The following ERBB4 variants were observed in gnomAD, a reference collection of about 807,000 sequenced individuals.
ERBB4 encodes erb-b2 receptor tyrosine kinase 4.
In ERBB4, 42 loss-of-function variants were observed where a neutral mutation model predicts 158.0. The ratio of observed to expected loss-of-function variants is 0.27; its 90% CI spans 0.21 to 0.34. ERBB4 has a LOEUF of 0.34. ERBB4 is among the 10% of genes least tolerant of loss of function. ERBB4 has a pLI of 1.00. For missense variants in ERBB4, 1,333 were observed against 1,624.1 expected (o/e 0.82, Z 3.08); for synonymous variants, 583 against 558.7 (o/e 1.04, Z -0.61).
At chr2:211,862,896 C>G (rs1038091557) in intron 3 of ERBB4, among the ~76,000 whole-genome samples, 2 of 152,146 alleles carry the variant, frequency 1.3e-5, no homozygotes, top group Admixed American at 6.5e-5. Flanking sequence ...GTAAATGCAC[C>G]AATCAGCGCT....
chr2:212,411,822 G>GCTATA (rs1191954592), intron 1 of ERBB4, among the ~76,000 whole-genome samples: 8 of 152,118 alleles, frequency 5.3e-5, no homozygotes, highest in Admixed American at 1.3e-4. Context: ...TATAGTATCT[G>GCTATA]CTATACTATA....
At chr2:212,368,718 A>G (rs536269824) in intron 1 of ERBB4, among the ~76,000 whole-genome samples, 1 of 152,236 alleles carries the variant, frequency 6.6e-6, no homozygotes, top group South Asian at 2.1e-4. Flanking sequence ...GCTAAATATA[A>G]GACACATATA....
intron 1 of ERBB4, among the ~76,000 whole-genome samples, chr2:212,239,973 C>A (rs963537670): frequency 6.6e-6 from 1 of 152,138 alleles, no homozygotes; most frequent in African/African-American, 2.4e-5. Flanking sequence ...GATCACCTAA[C>A]AAGAGGTTCT....
At chr2:212,462,512 CACT>C (rs1479920709) in intron 1 of ERBB4, among the ~76,000 whole-genome samples, 18 of 152,152 alleles carry the variant, frequency 1.2e-4, no homozygotes, top group Non-Finnish European at 1.8e-4. Flanking sequence ...TGTTCAATAT[CACT>C]ACTTATTAGA....
At chr2:211,857,988 C>T (rs533493678) in intron 3 of ERBB4, among the ~76,000 whole-genome samples, 39 of 152,080 alleles carry the variant, frequency 2.6e-4, no homozygotes, top group African/African-American at 8.5e-4. Flanking sequence ...ATAGATGGCA[C>T]GATGAATGTA....
chr2:212,191,932 T>G (rs1281321404), intron 1 of ERBB4, among the ~76,000 whole-genome samples: 1 of 142,278 alleles, frequency 7.0e-6, no homozygotes, highest in Non-Finnish European at 1.5e-5. Flanking sequence ...TGTTATATAT[T>G]ATATATGATG....
chr2:212,397,492 A>AAAGGAAGGAAGG (rs35938197), intron 1 of ERBB4, among the ~76,000 whole-genome samples: 1 of 145,782 alleles, frequency 6.9e-6, no homozygotes, highest in African/African-American at 2.6e-5. Flanking sequence ...AGAAAGAAAA[A>AAAGGAAGGAAGG]AAGGAAGGAA....
At chr2:211,876,970 A>T (rs961736436) in intron 3 of ERBB4, among the ~76,000 whole-genome samples, 4 of 152,136 alleles carry the variant, frequency 2.6e-5, no homozygotes, top group African/African-American at 9.7e-5. Context: ...GCTATTCCAC[A>T]TCTTAACTAC....
intron 20 of ERBB4, among the ~76,000 whole-genome samples, chr2:211,545,143 A>T (rs1263930258): frequency 1.3e-5 from 2 of 152,164 alleles, no homozygotes; most frequent in Non-Finnish European, 2.9e-5. Context: ...TTGATATGCC[A>T]AAGCTTTAAA....
At chr2:211,996,687 G>C (rs1481094773) in intron 2 of ERBB4, among the ~76,000 whole-genome samples, 3 of 152,170 alleles carry the variant, frequency 2.0e-5, no homozygotes, top group African/African-American at 7.2e-5. Flanking sequence ...TCAGGCCTTC[G>C]GTTTGTTCCC....
intron 20 of ERBB4, among the ~76,000 whole-genome samples, chr2:211,450,990 C>A (rs886994015): frequency 1.3e-5 from 2 of 152,180 alleles, no homozygotes; most frequent in East Asian, 3.8e-4. Flanking sequence ...GGAATAAGTG[C>A]ATGAACATGA....
intron 20 of ERBB4, among the ~76,000 whole-genome samples, chr2:211,543,601 A>C (rs994543780): frequency 2.0e-5 from 3 of 151,990 alleles, no homozygotes; most frequent in African/African-American, 7.2e-5. Context: ...TTTTTAAAAA[A>C]TCATAACTTG....
chr2:212,048,934 A>G (rs1449498928), intron 2 of ERBB4, among the ~76,000 whole-genome samples: 1 of 152,216 alleles, frequency 6.6e-6, no homozygotes, highest in Non-Finnish European at 1.5e-5. Context: ...TCTGTCATCA[A>G]CCAGTTGGGT....
chr2:212,177,412 C>A (rs890411659), intron 1 of ERBB4, among the ~76,000 whole-genome samples: 2 of 151,730 alleles, frequency 1.3e-5, no homozygotes, highest in African/African-American at 2.4e-5. Context: ...TTAGATCTGC[C>A]TAGCAAATTT....
chr2:211,435,374 T>C (rs186137312), intron 20 of ERBB4, among the ~76,000 whole-genome samples: 25 of 152,314 alleles, frequency 1.6e-4, no homozygotes, highest in Admixed American at 1.4e-3. Flanking sequence ...GCCACATTGG[T>C]TGGTTAACTT....
intron 3 of ERBB4, among the ~76,000 whole-genome samples, chr2:211,926,977 G>A (rs1057007856): frequency 3.7e-4 from 57 of 152,228 alleles, no homozygotes; most frequent in African/African-American, 1.2e-3. Context: ...CATAAGACCC[G>A]TCAAACATTG....
Position 212,191,865 on chromosome 2 carries a change from TTATA to T in ERBB4, c.83-66966_83-66963del, listed in dbSNP as rs1218549258. On this transcript the variant is annotated intron_variant, in intron 1 of 27. Transcript: ENST00000342788. Reference sequence around the variant, plus strand: ...ATACATGTTATATATGTTCTATATATTATATATAATACATATGTTACATGTTATA... The same window carrying T: ...ATACATGTTATATATGTTCTATATATTATAATACATATGTTACATGTTATA... Among the ~76,000 whole-genome samples, 19 of 72,668 alleles carry T rather than the reference TTATA, an allele frequency of 2.6e-4. 1 individual carries two copies. The highest frequency in any genetic ancestry group is 4.9e-4 in the Non-Finnish European group (18 of 36,996). The allele number at this position is 72,668 out of a possible 152,430, so 47.7% of individuals were successfully genotyped here. A position where few individuals can be genotyped will look rare whatever the true frequency, so the allele number is the denominator to read the frequency against.
chr2:211,787,524 C>T (rs1050600380), intron 4 of ERBB4, among the ~76,000 whole-genome samples: 2 of 152,102 alleles, frequency 1.3e-5, no homozygotes, highest in Admixed American at 1.3e-4. Flanking sequence ...TTTCTCCATT[C>T]CATAAGTGTT....
chr2:211,964,333 A>G (rs574680787), intron 2 of ERBB4, among the ~76,000 whole-genome samples: 3 of 152,302 alleles, frequency 2.0e-5, no homozygotes, highest in African/African-American at 7.2e-5. Context: ...TTACAAAGCC[A>G]TTTCATATAA....
Sources: allele counts gnomAD v4.1 joint callset (sites outside exome capture counted in the v4.1 genomes callset), GRCh38; gene constraint gnomAD v4.1.1; transcripts MANE v1.5; gene names NCBI Gene and HGNC (gene_info 2026-07-23, HGNC 2026-07-21).